The following INPP5D variants were observed in gnomAD, a reference collection of about 807,000 sequenced individuals.
INPP5D encodes the protein phosphatidylinositol 3,4,5-trisphosphate 5-phosphatase 1.
A neutral mutation model predicts 122.9 loss-of-function variants in INPP5D; 33 were observed. The ratio of observed to expected loss-of-function variants is 0.27; its 90% CI spans 0.20 to 0.36. The LOEUF (loss-of-function observed/expected upper bound fraction) is 0.36. Among genes scored for constraint, INPP5D ranks in the 10% least tolerant of loss-of-function variants. The pLI is 1.00. For missense variants in INPP5D, 1,053 were observed against 1,412.7 expected, an observed-to-expected ratio of 0.75 and a Z score of 4.08; for synonymous variants, 584 against 576.2, an observed-to-expected ratio of 1.01 and a Z score of -0.19.
At chr2:233,067,376 C>T (rs6746785) in intron 1 of INPP5D, among the ~76,000 whole-genome samples, 8,026 of 152,284 alleles carry the variant, frequency 0.053, 547 homozygotes, top group African/African-American at 0.16. Context: ...GCATGAATCA[C>T]TCCTCTCCAG....
At chr2:233,123,048 G>A (rs1305593284) in intron 3 of INPP5D, among the ~76,000 whole-genome samples, 1 of 152,214 alleles carries the variant, frequency 6.6e-6, no homozygotes, top group Non-Finnish European at 1.5e-5. Flanking sequence ...TCACTGAGAG[G>A]AGAGTGAAGG....
intron 23 of INPP5D, among the ~76,000 whole-genome samples, chr2:233,194,701 T>C (rs1695139122): frequency 6.6e-6 from 1 of 152,140 alleles, no homozygotes; most frequent in Admixed American, 6.5e-5. Context: ...TTTCACCACG[T>C]TGACTAGGCT....
chr2:233,070,716 C>T (rs1165408681), intron 1 of INPP5D, among the ~76,000 whole-genome samples: 4 of 152,100 alleles, frequency 2.6e-5, no homozygotes, highest in Non-Finnish European at 5.9e-5. Context: ...GCTGGGATTA[C>T]AGGCGTGAGC....
chr2:233,116,248 GATAGATATAGAT>G (rs57412586), intron 2 of INPP5D, among the ~76,000 whole-genome samples: 14 of 135,234 alleles, frequency 1.0e-4, no homozygotes, highest in South Asian at 2.3e-4. Context: ...TAGATAGATA[GATAGATATAGAT>G]ATAGATATAG....
intron 6 of INPP5D, among the ~76,000 whole-genome samples, chr2:233,144,486 T>C (rs1338873943): frequency 8.5e-6 from 1 of 117,546 alleles, no homozygotes; most frequent in African/African-American, 2.8e-5. Flanking sequence ...ATGATCATGA[T>C]AGGACTGGTA....
At chr2:233,199,614 G>C (rs1695279468) in intron 25 of INPP5D, among the ~76,000 whole-genome samples, 2 of 152,076 alleles carry the variant, frequency 1.3e-5, no homozygotes, top group Non-Finnish European at 2.9e-5. Context: ...CAGATCTCGA[G>C]GTCAGGAGAT....
intron 13 of INPP5D, among the ~76,000 whole-genome samples, chr2:233,167,759 C>T (rs1207227739): frequency 6.6e-6 from 1 of 152,102 alleles, no homozygotes. Context: ...AATCCTAGCA[C>T]TTTGGGAGGC....
At position 233,123,595 on chromosome 2, in the gene INPP5D, C is replaced by T. The variant is rs528597732; in HGVS notation, c.349+1338C>T. Among the ~76,000 whole-genome samples, 33 of 152,340 alleles carry T rather than the reference C, an allele frequency of 2.2e-4. No individual in the cohort carries two copies. The South Asian group carries it at 3.7e-3, about 17-fold the overall frequency. The stretch of plus-strand genomic sequence containing the variant: ...AAGGAGCTTACCTGGGGATGCCCCA[C>T]TTTTCCCCTCAAGGATTTACTGAGA... On this transcript the variant is annotated intron_variant, in intron 3 of 26. Transcript: ENST00000445964.
intron 4 of INPP5D, among the ~76,000 whole-genome samples, chr2:233,126,351 T>C (rs568375855): frequency 5.8e-4 from 88 of 152,320 alleles, no homozygotes; most frequent in Non-Finnish European, 1.5e-4. Context: ...GAAGGATCCA[T>C]CTGAGGCTGC....
intron 9 of INPP5D, among the ~76,000 whole-genome samples, chr2:233,157,999 GAGAAGAGGAGGA>G (rs962120873): frequency 2.6e-5 from 4 of 152,110 alleles, no homozygotes; most frequent in African/African-American, 9.7e-5. Context: ...AGGAGGGAGG[GAGAAGAGGAGGA>G]AGAAGAGGAG....
intron 2 of INPP5D, among the ~76,000 whole-genome samples, chr2:233,083,879 G>A (rs895633176): frequency 2.0e-5 from 3 of 150,120 alleles, no homozygotes; most frequent in South Asian, 2.1e-4. Context: ...TGGCCCTTGC[G>A]TCCTTTCTAA....
At chr2:233,146,911 A>G (rs1035802447) in intron 8 of INPP5D, among the ~76,000 whole-genome samples, 2 of 152,140 alleles carry the variant, frequency 1.3e-5, no homozygotes, top group Non-Finnish European at 2.9e-5. Context: ...ACTGGTCCCA[A>G]ATTCAGGAAT....
intron 2 of INPP5D, among the ~76,000 whole-genome samples, chr2:233,092,097 G>A (rs1042337688): frequency 6.6e-6 from 1 of 152,222 alleles, no homozygotes; most frequent in South Asian, 2.1e-4. Context: ...AGATGTAGGC[G>A]TTCAGGGCCA....
chr2:233,066,600 G>A (rs1691234567), intron 1 of INPP5D, among the ~76,000 whole-genome samples: 1 of 151,904 alleles, frequency 6.6e-6, no homozygotes, highest in Non-Finnish European at 1.5e-5. Context: ...TTTCTATGGT[G>A]TACAATTCTT....
intron 2 of INPP5D, among the ~76,000 whole-genome samples, chr2:233,116,109 T>G (rs1692780670): frequency 6.6e-6 from 1 of 152,054 alleles, no homozygotes; most frequent in Non-Finnish European, 1.5e-5. Flanking sequence ...TTGTTTGTTT[T>G]TTCTGCTTGA....
intron 2 of INPP5D, among the ~76,000 whole-genome samples, chr2:233,102,136 A>T (rs765884301): frequency 5.3e-5 from 8 of 152,164 alleles, no homozygotes; most frequent in Non-Finnish European, 1.2e-4. Flanking sequence ...TGTACTCTAG[A>T]TCGCACAACC....
chr2:233,149,404 T>C (rs1419880727), intron 9 of INPP5D, among the ~76,000 whole-genome samples: 1 of 152,166 alleles, frequency 6.6e-6, no homozygotes, highest in East Asian at 1.9e-4. Context: ...CTCAGCCATC[T>C]TTTGTTCTTA....
chr2:233,123,173 C>T (rs1693042527), intron 3 of INPP5D, among the ~76,000 whole-genome samples: 1 of 151,934 alleles, frequency 6.6e-6, no homozygotes, highest in South Asian at 2.1e-4. Flanking sequence ...TGTACAGTCC[C>T]AGCCAGGTGC....
chr2:233,103,974 T>G (rs2106236549), intron 2 of INPP5D, among the ~76,000 whole-genome samples: 1 of 143,034 alleles, frequency 7.0e-6, no homozygotes, highest in South Asian at 2.3e-4. Context: ...CCCAAAGTGC[T>G]GGGATTACTG....
Sources: gnomAD v4.1 joint callset for allele counts (sites outside exome capture counted in the v4.1 genomes callset) on GRCh38, gnomAD v4.1.1 for gene constraint, MANE v1.5 for transcripts, NCBI Gene and HGNC (gene_info 2026-07-23, HGNC 2026-07-21) for gene names.